CSMD1: variants seen among roughly 807,000 people sequenced by gnomAD.
CSMD1 encodes the protein CUB and sushi domain-containing protein 1.
CSMD1 carries 213 observed loss-of-function variants against 417.5 expected under a neutral mutation model. The ratio of observed to expected loss-of-function variants is 0.51; its 90% CI spans 0.46 to 0.57. The LOEUF (loss-of-function observed/expected upper bound fraction) is 0.57. CSMD1 is among the 20% of genes least tolerant of loss of function. The pLI is 0.00. For synonymous variants in CSMD1, 2,862 were observed against 1,736.8 expected (o/e 1.65, Z -16.11); for missense variants, 6,923 against 4,529.7 (o/e 1.53, Z -15.17).
chr8:3,558,683 ACC>A (rs1799328665), intron 10 of CSMD1, among the ~76,000 whole-genome samples: 2 of 150,700 alleles, frequency 1.3e-5, no homozygotes, highest in Non-Finnish European at 3.0e-5. Flanking sequence ...TCTCAATGGT[ACC>A]CCGTGTCCAC....
At chr8:4,467,122 TAAAAA>T (rs35481238) in intron 2 of CSMD1, among the ~76,000 whole-genome samples, 79 of 86,266 alleles carry the variant, frequency 9.2e-4, no homozygotes, top group African/African-American at 3.2e-3. Context: ...TTCTTCAGAG[TAAAAA>T]AAAAAAAAAA....
chr8:3,341,106 G>A (rs1346572566), intron 23 of CSMD1, among the ~76,000 whole-genome samples: 1 of 152,152 alleles, frequency 6.6e-6, no homozygotes, highest in Non-Finnish European at 1.5e-5. Flanking sequence ...AAGTGATGCT[G>A]GATGCCGGGG....
chr8:3,572,206 G>C (rs543757697), intron 10 of CSMD1, among the ~76,000 whole-genome samples: 4 of 152,016 alleles, frequency 2.6e-5, no homozygotes, highest in Non-Finnish European at 4.4e-5. Flanking sequence ...AGGGCGGTGG[G>C]AGCCCCCTCT....
chr8:3,546,331 C>T (rs932085086), intron 10 of CSMD1, among the ~76,000 whole-genome samples: 1 of 151,720 alleles, frequency 6.6e-6, no homozygotes, highest in Non-Finnish European at 1.5e-5. Flanking sequence ...GTCAGGAGAT[C>T]GAGACCATCT....
chr8:4,065,639 C>G (rs1219085131), intron 3 of CSMD1, among the ~76,000 whole-genome samples: 1 of 152,122 alleles, frequency 6.6e-6, no homozygotes, highest in Non-Finnish European at 1.5e-5. Context: ...GCACCAAGGC[C>G]AGGCAATGCC....
chr8:3,025,929 A>C (rs550894024), intron 51 of CSMD1, among the ~76,000 whole-genome samples: 1 of 152,314 alleles, frequency 6.6e-6, no homozygotes, highest in East Asian at 1.9e-4. Context: ...TTTTTAATGT[A>C]TGATATAGTT....
intron 5 of CSMD1, among the ~76,000 whole-genome samples, chr8:3,892,995 T>C (rs962434998): frequency 6.6e-6 from 1 of 151,862 alleles, no homozygotes; most frequent in Non-Finnish European, 1.5e-5. Flanking sequence ...ATAACAATCA[T>C]GGTTCAGTTT....
chr8:3,032,265 A>T (rs1311710030), intron 50 of CSMD1, among the ~76,000 whole-genome samples: 1 of 152,058 alleles, frequency 6.6e-6, no homozygotes, highest in African/African-American at 2.4e-5. Flanking sequence ...CATACAAAAA[A>T]AACTGAGTTT....
chr8:3,190,115 G>A lies in CSMD1; in HGVS notation c.5195C>T (p.Ala1732Val). 1 of 1,581,954 alleles carries A rather than the reference G, an allele frequency of 6.3e-7. No homozygotes were observed. Among genetic ancestry groups the A allele is most frequent in the South Asian group, 1.2e-5 (1 of 86,126 alleles). The change falls in exon 34 of 70, where the codon GCT becomes GTT. Residue 1732 changes from alanine (A) to valine (V), a missense_variant and splice_region_variant. Coordinates refer to ENST00000635120, the MANE Select transcript of CSMD1 (RefSeq NM_033225.6). Reference sequence around the variant, plus strand: ...TTGGGTGTCACTGGTACGAGGAACAGCTAGAAGCAAAGTACAGAACACAGC... The same window carrying A: ...TTGGGTGTCACTGGTACGAGGAACAACTAGAAGCAAAGTACAGAACACAGC... Reference protein sequence around the residue: ...SARGFHFVYQAVPRTSDTQCS... With the variant: ...SARGFHFVYQVVPRTSDTQCS...
chr8:3,039,328 TTTC>T (rs1810916708), intron 50 of CSMD1, among the ~76,000 whole-genome samples: 1 of 150,566 alleles, frequency 6.6e-6, no homozygotes, highest in Non-Finnish European at 1.5e-5. Context: ...CTTCTTTTCC[TTTC>T]TTTCTTCCTT....
chr8:3,242,182 C>T (rs984833408), intron 26 of CSMD1, among the ~76,000 whole-genome samples: 1 of 151,892 alleles, frequency 6.6e-6, no homozygotes, highest in South Asian at 2.1e-4. Context: ...AGGGCTAGTC[C>T]CAGAATGAAA....
chr8:4,141,157 C>T (rs142408666), intron 3 of CSMD1, among the ~76,000 whole-genome samples: 1 of 151,130 alleles, frequency 6.6e-6, no homozygotes, highest in Non-Finnish European at 1.5e-5. Context: ...AGTAACAGAA[C>T]GTGTCTCTCA....
chr8:4,985,735 G>A (rs997097515), intron 1 of CSMD1, among the ~76,000 whole-genome samples: 3 of 152,048 alleles, frequency 2.0e-5, no homozygotes, highest in Admixed American at 6.5e-5. Flanking sequence ...AATCTGTATT[G>A]TTTCCATGTA....
rs6987391 is a variant in CSMD1 at position 4,540,896 on chromosome 8, C to A, written c.302+96446G>T. Among the ~76,000 whole-genome samples, 904 of 152,250 alleles carry A rather than the reference C, an allele frequency of 5.9e-3. 11 individuals are homozygous for A. Among genetic ancestry groups the A allele is most frequent in the African/African-American group, 0.02 (839 of 41,538 alleles). ...TCTGACTCTCCGCCACTCTGCTAGT[C>A]TGCTATTTAATTTTATGAGGCTGTA... is the stretch of plus-strand genomic sequence containing the variant. On this transcript the variant is annotated intron_variant, in intron 2 of 69. Transcript: ENST00000635120.
chr8:3,251,940 C>T lies in CSMD1; in HGVS notation c.4154-21709G>A, dbSNP rs181398653. ...GTATCCTGAGACTTTGCTGAAGTTG[C>T]TTATCAGCTTAAGGATATTTTGGGC... On this transcript the variant is annotated intron_variant, in intron 26 of 69. Transcript: ENST00000635120. 5.8e-3 allele frequency among the ~76,000 whole-genome samples: 887 copies of T among 152,264 alleles called. 8 individuals carry two copies. The highest frequency in any genetic ancestry group is 0.02 in the African/African-American group (832 of 41,546).
chr8:3,965,465 T>A (rs188447712), intron 5 of CSMD1, among the ~76,000 whole-genome samples: 100 of 152,292 alleles, frequency 6.6e-4, no homozygotes, highest in Admixed American at 6.2e-3. Context: ...AATTCTCTGT[T>A]TGAGTAGACG....
At chr8:4,409,458 G>A (rs2128933732) in intron 3 of CSMD1, among the ~76,000 whole-genome samples, 1 of 152,106 alleles carries the variant, frequency 6.6e-6, no homozygotes, top group Non-Finnish European at 1.5e-5. Context: ...ACAAAAAACA[G>A]CAAGAATGCC....
chr8:3,011,277 T>A (rs565026809), intron 52 of CSMD1, among the ~76,000 whole-genome samples: 94 of 152,294 alleles, frequency 6.2e-4, no homozygotes, highest in African/African-American at 2.2e-3. Flanking sequence ...GGAGTTTTCC[T>A]GACTAACATA....
intron 2 of CSMD1, among the ~76,000 whole-genome samples, chr8:4,629,730 A>G (rs1469796179): frequency 6.6e-6 from 1 of 152,194 alleles, no homozygotes; most frequent in East Asian, 1.9e-4. Context: ...ATTTTGCTAC[A>G]AACAGCAAAG....
Sources: allele counts gnomAD v4.1 joint callset (sites outside exome capture counted in the v4.1 genomes callset), GRCh38; gene constraint gnomAD v4.1.1; transcripts MANE v1.5; gene names NCBI Gene and HGNC (gene_info 2026-07-23, HGNC 2026-07-21).